CRIM1: variants seen among roughly 807,000 people sequenced by gnomAD.
The protein encoded by CRIM1 is cysteine rich transmembrane BMP regulator 1.
CRIM1 carries 32 observed loss-of-function variants against 116.4 expected under a neutral mutation model. The ratio of observed to expected loss-of-function variants is 0.27; its 90% CI spans 0.21 to 0.37. CRIM1 has a LOEUF of 0.37. Among genes scored for constraint, CRIM1 ranks in the 10% least tolerant of loss-of-function variants. The pLI is 1.00. For synonymous variants in CRIM1, 590 were observed against 509.2 expected (o/e 1.16, Z -2.13); for missense variants, 1,331 against 1,354.8 (o/e 0.98, Z 0.28).
At chr2:36,447,989 T>TC (rs1676381519) in intron 4 of CRIM1, among the ~76,000 whole-genome samples, 1 of 152,190 alleles carries the variant, frequency 6.6e-6, no homozygotes, top group Non-Finnish European at 1.5e-5. Context: ...CATTTGGCAG[T>TC]CCACCCAGGA....
At chr2:36,460,852 T>C (rs1490618744) in intron 4 of CRIM1, among the ~76,000 whole-genome samples, 11 of 152,062 alleles carry the variant, frequency 7.2e-5, no homozygotes, top group Non-Finnish European at 2.9e-5. Flanking sequence ...GTGTGGTGTT[T>C]GGGGGTTCAG....
At position 36,544,423 on chromosome 2, in the gene CRIM1, C is replaced by A; in HGVS notation, c.2671C>A (p.His891Asn). ...CAATATACCCATTGAGAAGACAAAC[C>A]ATCGAGGAGAGGTTGACCTGGAGGT... ...PTNIPIEKTN[H>N]RGEVDLEVPL... Residue 891 changes from histidine to asparagine, a missense_variant, in exon 15 of 17, where the codon CAT (histidine) becomes AAT (asparagine). Transcript: ENST00000280527. 1 of 1,425,928 alleles carries A rather than the reference C, an allele frequency of 7.0e-7. No homozygotes were observed. Among genetic ancestry groups the A allele is most frequent in the Non-Finnish European group, 9.2e-7 (1 of 1,085,374 alleles). The allele number at this position is 1,425,928 out of a possible 1,614,324, so 88.3% of individuals were successfully genotyped here.
intron 12 of CRIM1, among the ~76,000 whole-genome samples, chr2:36,517,820 G>A (rs900954696): frequency 2.0e-5 from 3 of 152,142 alleles, no homozygotes; most frequent in Admixed American, 1.3e-4. Flanking sequence ...TCTCAAACTC[G>A]AGGCGTATAC....
chr2:36,495,986 T>C (rs185724706), intron 7 of CRIM1, among the ~76,000 whole-genome samples: 36 of 152,160 alleles, frequency 2.4e-4, no homozygotes, highest in African/African-American at 8.4e-4. Context: ...AGCACTAAAA[T>C]GTTGGGAGAA....
At chr2:36,476,403 G>A (rs571771306) in intron 5 of CRIM1, among the ~76,000 whole-genome samples, 20 of 152,254 alleles carry the variant, frequency 1.3e-4, no homozygotes, top group Admixed American at 1.0e-3. Context: ...AAAATTATAC[G>A]TGTTTATACC....
chr2:36,357,131 A>AT (rs1366901924), intron 1 of CRIM1, among the ~76,000 whole-genome samples: 2 of 151,882 alleles, frequency 1.3e-5, no homozygotes, highest in Non-Finnish European at 2.9e-5. Flanking sequence ...GACTCTTATT[A>AT]TTTTTTCCTT....
chr2:36,427,150 G>A (rs745394352), intron 2 of CRIM1, among the ~76,000 whole-genome samples: 5 of 151,434 alleles, frequency 3.3e-5, no homozygotes, highest in African/African-American at 4.9e-5. Flanking sequence ...GCAGTGAGCC[G>A]AGATCGCACC....
At chr2:36,478,042 A>G (rs1354491640) in intron 6 of CRIM1, among the ~76,000 whole-genome samples, 1 of 152,218 alleles carries the variant, frequency 6.6e-6, no homozygotes, top group Admixed American at 6.5e-5. Flanking sequence ...ATCTCTGCAC[A>G]CAAAGTGGGA....
intron 5 of CRIM1, among the ~76,000 whole-genome samples, chr2:36,470,740 G>A (rs564115726): frequency 1.3e-5 from 2 of 152,294 alleles, no homozygotes; most frequent in South Asian, 2.1e-4. Flanking sequence ...CATCCATTCT[G>A]CAGCCCATGG....
intron 1 of CRIM1, among the ~76,000 whole-genome samples, chr2:36,381,750 G>A (rs1159379869): frequency 2.0e-5 from 3 of 152,170 alleles, no homozygotes; most frequent in African/African-American, 7.2e-5. Flanking sequence ...TTACGCTACT[G>A]TACTCCAGCC....
chr2:36,395,787 G>C, intron 1 of CRIM1, among the ~76,000 whole-genome samples: 1 of 152,222 alleles, frequency 6.6e-6, no homozygotes, highest in South Asian at 2.1e-4. Flanking sequence ...GATACTATCA[G>C]TCTCCCCAAA....
At chr2:36,524,843 A>G (rs372960961) in intron 13 of CRIM1, among the ~76,000 whole-genome samples, 1 of 152,090 alleles carries the variant, frequency 6.6e-6, no homozygotes, top group African/African-American at 2.4e-5. Context: ...CATACTTTCT[A>G]TTCCAATTCC....
intron 4 of CRIM1, among the ~76,000 whole-genome samples, chr2:36,451,802 GA>G (rs1676748377): frequency 6.6e-6 from 1 of 152,202 alleles, no homozygotes; most frequent in Non-Finnish European, 1.5e-5. Context: ...GTCAAAGCCA[GA>G]AACTTCCTGA....
rs1680812437 is a variant in CRIM1 at position 36,499,201 on chromosome 2, T to G, written c.1373-18T>G. On this transcript the variant is annotated intron_variant, in intron 7 of 16. Coordinates refer to ENST00000280527, the MANE Select transcript of CRIM1 (RefSeq NM_016441.3). ...ATCATATGTTTCATTGGTTATTTTTTTCTCTATTTATTATTAGAACCAACC... is the reference window on the plus strand; with the variant it reads ...ATCATATGTTTCATTGGTTATTTTTGTCTCTATTTATTATTAGAACCAACC... 6.3e-7 allele frequency: 1 copy of G among 1,592,906 alleles called. No homozygotes were observed. Among genetic ancestry groups the G allele is most frequent in the East Asian group, 2.2e-5 (1 of 44,750 alleles).
At chr2:36,486,445 G>T (rs750669467) in intron 7 of CRIM1, among the ~76,000 whole-genome samples, 1 of 152,036 alleles carries the variant, frequency 6.6e-6, no homozygotes, top group Non-Finnish European at 1.5e-5. Flanking sequence ...CAAGTTTTAC[G>T]AGTAAAAATG....
Position 36,522,171 on chromosome 2 carries a change from G to A in CRIM1, c.2286G>A (p.Leu762=), listed in dbSNP as rs538826709. The part of the protein sequence containing the change: ...YCKNDEGDIF[L]AAESWKPDVC... ...AAAATGATGAAGGGGATATATTCCT[G>A]GCAGCTGAGTCCTGGAAGCCTGACG... Residue 762 remains leucine (L), a synonymous_variant, in exon 13 of 17, where the codon CTG becomes CTA. Coordinates refer to ENST00000280527, the MANE Select transcript of CRIM1 (RefSeq NM_016441.3). 1.1e-5 allele frequency: 18 copies of A among 1,613,972 alleles called. No individual in the cohort carries two copies. The South Asian group carries it at 1.6e-4, about 15-fold the overall frequency.
chr2:36,476,507 A>G (rs1215201090), intron 5 of CRIM1, among the ~76,000 whole-genome samples: 1 of 152,194 alleles, frequency 6.6e-6, no homozygotes, highest in African/African-American at 2.4e-5. Flanking sequence ...AAGCAGAACA[A>G]AACCTAATGT....
intron 1 of CRIM1, among the ~76,000 whole-genome samples, chr2:36,357,342 T>C (rs780487945): frequency 3.3e-5 from 5 of 152,200 alleles, no homozygotes; most frequent in South Asian, 4.1e-4. Context: ...GTGGCTGCTT[T>C]TTAATATCAG....
intron 7 of CRIM1, among the ~76,000 whole-genome samples, chr2:36,494,748 C>T (rs1179113560): frequency 3.3e-5 from 5 of 152,144 alleles, no homozygotes; most frequent in Non-Finnish European, 7.4e-5. Context: ...TTTTAGAATT[C>T]TTCTCCACAA....
Sources: gnomAD v4.1 joint callset for allele counts (sites outside exome capture counted in the v4.1 genomes callset) on GRCh38, gnomAD v4.1.1 for gene constraint, MANE v1.5 for transcripts, NCBI Gene and HGNC (gene_info 2026-07-23, HGNC 2026-07-21) for gene names.